Variants in CDH12 observed in about 807,000 individuals in gnomAD.
The protein encoded by CDH12 is cadherin 12.
In CDH12, 41 loss-of-function variants were observed where a neutral mutation model predicts 74.1. The ratio of observed to expected loss-of-function variants is 0.55; its 90% confidence interval spans 0.43 to 0.72. The LOEUF (loss-of-function observed/expected upper bound fraction) is 0.72. Among genes scored for constraint, CDH12 ranks in the 30% least tolerant of loss-of-function variants. The pLI is 0.00. For synonymous variants in CDH12, 399 were observed against 355.0 expected (o/e 1.12, Z -1.39); for missense variants, 945 against 977.2 (o/e 0.97, Z 0.44).
chr5:22,518,049 G>C (rs985091509), intron 1 of CDH12, among the ~76,000 whole-genome samples: 4 of 152,152 alleles, frequency 2.6e-5, no homozygotes, highest in African/African-American at 9.7e-5. Flanking sequence ...AGTGTACAAG[G>C]ATAAGACAGG....
chr5:22,551,482 A>G (rs573486496), intron 1 of CDH12, among the ~76,000 whole-genome samples: 2 of 151,708 alleles, frequency 1.3e-5, no homozygotes, highest in South Asian at 4.2e-4. Context: ...CACATGGCCC[A>G]CAGGAGGCAA....
intron 1 of CDH12, among the ~76,000 whole-genome samples, chr5:22,547,212 A>G (rs975891870): frequency 6.6e-6 from 1 of 152,182 alleles, no homozygotes; most frequent in Non-Finnish European, 1.5e-5. Flanking sequence ...TTAGTTTTAA[A>G]AGGTTAGCTT....
At chr5:22,361,696 T>C (rs890585385) in intron 3 of CDH12, among the ~76,000 whole-genome samples, 2 of 152,190 alleles carry the variant, frequency 1.3e-5, no homozygotes, top group Admixed American at 1.3e-4. Flanking sequence ...AAGGCTACAG[T>C]AACCAAAACA....
intron 13 of CDH12, among the ~76,000 whole-genome samples, chr5:21,757,221 G>A (rs1744449687): frequency 6.6e-6 from 1 of 152,106 alleles, no homozygotes; most frequent in African/African-American, 2.4e-5. Flanking sequence ...TGTCGCCCAG[G>A]CTGGAGTACA....
intron 2 of CDH12, among the ~76,000 whole-genome samples, chr5:22,411,795 A>T (rs539786315): frequency 6.6e-6 from 1 of 152,110 alleles, no homozygotes; most frequent in African/African-American, 2.4e-5. Flanking sequence ...TTCCCGGAAA[A>T]TAATCATTTT....
At chr5:22,192,597 A>G (rs577521138) in intron 4 of CDH12, among the ~76,000 whole-genome samples, 23 of 152,052 alleles carry the variant, frequency 1.5e-4, no homozygotes, top group Non-Finnish European at 2.9e-4. Flanking sequence ...GTGTGTGTGT[A>G]CATTTGTGCA....
chr5:21,923,331 G>A (rs185710502), intron 6 of CDH12, among the ~76,000 whole-genome samples: 38 of 152,040 alleles, frequency 2.5e-4, no homozygotes, highest in African/African-American at 6.0e-4. Context: ...CCTGTCTCTC[G>A]TGTGTGGGTG....
chr5:22,173,289 G>A lies in CDH12; in HGVS notation c.-187+39209C>T, dbSNP rs1749141401. 2.8e-5 allele frequency among the ~76,000 whole-genome samples: 4 copies of A among 145,218 alleles called. No homozygotes were observed. In the South Asian group the frequency reaches 8.5e-4, roughly 31 times the overall value. The stretch of plus-strand genomic sequence containing the variant: ...TAAATTTTATAATTATATAATTTAT[G>A]TAATTATATAATATAATTTACATTT... On this transcript the variant is annotated intron_variant, in intron 4 of 14. Coordinates refer to ENST00000382254, the MANE Select transcript of CDH12 (RefSeq NM_004061.5).
intron 3 of CDH12, among the ~76,000 whole-genome samples, chr5:22,386,677 T>A (rs965137706): frequency 1.3e-5 from 2 of 152,058 alleles, no homozygotes; most frequent in Non-Finnish European, 2.9e-5. Context: ...AATTCATATA[T>A]ATTTTTACAG....
chr5:22,354,691 G>T (rs1033394224), intron 3 of CDH12, among the ~76,000 whole-genome samples: 1 of 152,118 alleles, frequency 6.6e-6, no homozygotes, highest in African/African-American at 2.4e-5. Context: ...CAAAGGCAGT[G>T]CTCTCAAATG....
chr5:22,716,719 C>G lies in CDH12; in HGVS notation c.-523+136339G>C, dbSNP rs565801875. On this transcript the variant is annotated intron_variant, in intron 1 of 14. Transcript: ENST00000382254. The stretch of plus-strand genomic sequence containing the variant: ...CAGCTTTATTGGCCCTGAAGACCTT[C>G]CAGTGGGACAAGATGTGGAGATAAA... 3.8e-4 allele frequency among the ~76,000 whole-genome samples: 57 copies of G among 151,862 alleles called. 1 individual carries two copies. In the Middle Eastern group the frequency reaches 0.028, roughly 73 times the overall value.
At chr5:22,819,804 A>T (rs1393794855) in intron 1 of CDH12, among the ~76,000 whole-genome samples, 1 of 151,012 alleles carries the variant, frequency 6.6e-6, no homozygotes, top group East Asian at 1.9e-4. Context: ...AAACCAAAAT[A>T]AAATTAAGAT....
chr5:22,460,234 G>C (rs1187090745), intron 2 of CDH12, among the ~76,000 whole-genome samples: 1 of 151,750 alleles, frequency 6.6e-6, no homozygotes, highest in Non-Finnish European at 1.5e-5. Context: ...TTTTTTTCAA[G>C]TAAACAATAT....
chr5:21,819,037 T>C (rs1486791841), intron 8 of CDH12, among the ~76,000 whole-genome samples: 2 of 152,038 alleles, frequency 1.3e-5, no homozygotes, highest in African/African-American at 4.8e-5. Flanking sequence ...AAAGCAGTGA[T>C]TGAATTTGAG....
chr5:22,783,218 C>G (rs1215796791), intron 1 of CDH12, among the ~76,000 whole-genome samples: 1 of 151,978 alleles, frequency 6.6e-6, no homozygotes, highest in Non-Finnish European at 1.5e-5. Context: ...GCACGTGCCA[C>G]TTTAAATGTT....
chr5:22,774,711 C>A (rs542175007), intron 1 of CDH12, among the ~76,000 whole-genome samples: 1 of 152,178 alleles, frequency 6.6e-6, no homozygotes, highest in Non-Finnish European at 1.5e-5. Flanking sequence ...GTGAGTTCTC[C>A]ATTAAACCTC....
chr5:22,782,859 C>G (rs557375057), intron 1 of CDH12, among the ~76,000 whole-genome samples: 5 of 152,266 alleles, frequency 3.3e-5, no homozygotes, highest in Non-Finnish European at 4.4e-5. Context: ...CACAATGAAA[C>G]AAACAAATCA....
At chr5:22,102,662 CAATAAATAAATAAATAAATA>C (rs59315895) in intron 4 of CDH12, among the ~76,000 whole-genome samples, 23 of 148,696 alleles carry the variant, frequency 1.5e-4, no homozygotes, top group Admixed American at 8.1e-4. Context: ...ACTCCGTCTC[CAATAAATAAATAAATAAATA>C]AATAAATAAA....
chr5:22,001,678 T>C (rs1736610979), intron 5 of CDH12, among the ~76,000 whole-genome samples: 1 of 152,028 alleles, frequency 6.6e-6, no homozygotes. Flanking sequence ...TGTTGTTCCT[T>C]TCTTTGTATC....
Sources: allele counts gnomAD v4.1 joint callset (sites outside exome capture counted in the v4.1 genomes callset), GRCh38; gene constraint gnomAD v4.1.1; transcripts MANE v1.5; gene names NCBI Gene and HGNC (gene_info 2026-07-23, HGNC 2026-07-21).